The following SENP7 variants were observed in gnomAD, a reference collection of about 807,000 sequenced individuals.
SENP7 encodes sentrin-specific protease 7.
SENP7 carries 64 observed loss-of-function variants against 141.2 expected under a neutral mutation model. That is an observed-to-expected ratio of 0.45 (90% CI 0.37 to 0.56). The LOEUF (loss-of-function observed/expected upper bound fraction) is 0.56. Among genes scored for constraint, SENP7 ranks in the 20% least tolerant of loss-of-function variants. The probability of loss-of-function intolerance (pLI) is 0.00; values close to 1 mark genes in which losing one functional copy is unlikely to be tolerated. For synonymous variants in SENP7, 382 were observed against 426.4 expected (o/e 0.90, Z 1.28); for missense variants, 1,025 against 1,212.2 (o/e 0.85, Z 2.29).
intron 3 of SENP7, among the ~76,000 whole-genome samples, chr3:101,491,525 TAGGATAACAGGTGTG>T (rs1051519132): frequency 2.0e-5 from 3 of 152,212 alleles, no homozygotes; most frequent in African/African-American, 7.2e-5. Context: ...CTCAAAGTGC[TAGGATAACAGGTGTG>T]AGCCACCACA....
chr3:101,374,175 G>C (rs1424605925), intron 6 of SENP7, among the ~76,000 whole-genome samples: 1 of 152,122 alleles, frequency 6.6e-6, no homozygotes, highest in Non-Finnish European at 1.5e-5. Context: ...AAAGATTTTT[G>C]ACAAGGATGC....
chr3:101,438,986 G>A lies in SENP7; in HGVS notation c.284+19969C>T, dbSNP rs530606993. Among the ~76,000 whole-genome samples, 930 of 138,588 alleles carry A rather than the reference G, an allele frequency of 6.7e-3. 33 individuals are homozygous for A. Among genetic ancestry groups the A allele is most frequent in the African/African-American group, 0.023 (892 of 38,712 alleles). The allele number at this position is 138,588 out of a possible 152,430, so 90.9% of individuals were successfully genotyped here. ...GGGAAGTGAGGAGTGTCTCTGCCTGGCTGCCCATCGTCTGGGATGTGAGGA... is the reference window on the plus strand; with the variant it reads ...GGGAAGTGAGGAGTGTCTCTGCCTGACTGCCCATCGTCTGGGATGTGAGGA... On this transcript the variant is annotated intron_variant, in intron 4 of 23. Coordinates refer to ENST00000394095, the MANE Select transcript of SENP7 (RefSeq NM_020654.5).
chr3:101,474,278 G>A (rs767026970), intron 3 of SENP7, among the ~76,000 whole-genome samples: 3 of 152,056 alleles, frequency 2.0e-5, no homozygotes, highest in Non-Finnish European at 2.9e-5. Context: ...AAATTGCTTT[G>A]GGCAGTATGG....
intron 6 of SENP7, among the ~76,000 whole-genome samples, chr3:101,384,211 C>G (rs189289434): frequency 7.0e-4 from 106 of 152,378 alleles, no homozygotes; most frequent in Non-Finnish European, 1.4e-3. Flanking sequence ...TTACCTTACT[C>G]ACCCTCCAGT....
intron 6 of SENP7, among the ~76,000 whole-genome samples, chr3:101,376,238 T>C (rs2060325602): frequency 6.6e-6 from 1 of 152,128 alleles, no homozygotes; most frequent in Non-Finnish European, 1.5e-5. Flanking sequence ...ATACAGAGTT[T>C]CAGTTTGGGA....
intron 6 of SENP7, among the ~76,000 whole-genome samples, chr3:101,372,650 A>G (rs1307201969): frequency 6.6e-6 from 1 of 152,094 alleles, no homozygotes. Flanking sequence ...GATAGTCACA[A>G]TGTTACTACT....
intron 3 of SENP7, 96 bp downstream of exon 3, chr3:101,493,777 G>C (rs919848540): frequency 4.3e-6 from 3 of 691,482 alleles, no homozygotes; most frequent in Non-Finnish European, 6.9e-6. Context: ...AACCAAAAAA[G>C]GGACATATCA....
intron 11 of SENP7, chr3:101,358,231 G>C: frequency 9.1e-6 from 8 of 883,140 alleles, no homozygotes; most frequent in Non-Finnish European, 1.4e-5. Context: ...CTAAACATAA[G>C]AGAACTCATA....
chr3:101,432,932 G>T (rs1380130968), intron 4 of SENP7, among the ~76,000 whole-genome samples: 1 of 152,078 alleles, frequency 6.6e-6, no homozygotes, highest in Non-Finnish European at 1.5e-5. Context: ...AAAACTCACT[G>T]GTAATAAGTA....
At chr3:101,354,866 T>C (rs949708119) in intron 11 of SENP7, among the ~76,000 whole-genome samples, 4 of 151,976 alleles carry the variant, frequency 2.6e-5, no homozygotes, top group Non-Finnish European at 4.4e-5. Flanking sequence ...AGTGTGTCCC[T>C]TTTTTCTGCA....
intron 5 of SENP7, among the ~76,000 whole-genome samples, chr3:101,400,101 T>C (rs1285747240): frequency 6.6e-6 from 1 of 152,240 alleles, no homozygotes; most frequent in Non-Finnish European, 1.5e-5. Context: ...TGAACATTAC[T>C]TTGCCACACT....
chr3:101,426,467 G>A (rs1238223089), intron 4 of SENP7, among the ~76,000 whole-genome samples: 1 of 146,096 alleles, frequency 6.8e-6, no homozygotes, highest in African/African-American at 2.5e-5. Context: ...AGCTTCATAA[G>A]TGAAGGAGAA....
chr3:101,452,964 C>T (rs1559850046), intron 4 of SENP7, among the ~76,000 whole-genome samples: 1 of 152,168 alleles, frequency 6.6e-6, no homozygotes, highest in African/African-American at 2.4e-5. Flanking sequence ...GCAACCTACT[C>T]ATCTGACAGA....
intron 6 of SENP7, among the ~76,000 whole-genome samples, chr3:101,384,201 T>G (rs2060588611): frequency 6.6e-6 from 1 of 152,218 alleles, no homozygotes; most frequent in Admixed American, 6.5e-5. Flanking sequence ...AAACACCACT[T>G]TACCTTACTC....
chr3:101,332,814 T>C lies in SENP7; in HGVS notation c.2529A>G (p.Ile843Met), dbSNP rs779122610. The change falls in exon 18 of 24, where the codon ATA (isoleucine) becomes ATG (methionine). Residue 843 changes from isoleucine (I) to methionine (M), a missense_variant. Ile to Met is a conservative substitution (Grantham distance 10, BLOSUM62 1). Transcript: ENST00000394095. ...HKRVRTWTRH[I>M]NIFNKDYIFV... ...AGATGTAATCTTTATTAAAAATGTT[T>C]ATGTGACGAGTCCATGTTCTTACTC... 4 of 1,568,560 alleles carry C rather than the reference T, an allele frequency of 2.6e-6. No individual in the cohort carries two copies. In the South Asian group the frequency reaches 5.0e-5, roughly 20 times the overall value.
intron 7 of SENP7, among the ~76,000 whole-genome samples, chr3:101,370,923 A>G (rs1024092101): frequency 6.6e-6 from 1 of 152,192 alleles, no homozygotes; most frequent in African/African-American, 2.4e-5. Context: ...GCTCCAAATG[A>G]AGTGTAATGA....
At chr3:101,446,752 T>C (rs774285080) in intron 4 of SENP7, among the ~76,000 whole-genome samples, 24 of 152,110 alleles carry the variant, frequency 1.6e-4, no homozygotes, top group Admixed American at 6.5e-4. Context: ...ACCAAAACTA[T>C]GGACAATCAA....
chr3:101,408,906 A>G (rs1318056967), intron 5 of SENP7, among the ~76,000 whole-genome samples: 1 of 152,204 alleles, frequency 6.6e-6, no homozygotes, highest in African/African-American at 2.4e-5. Context: ...ACTCCTCTTC[A>G]ACATAGTACT....
At chr3:101,450,241 A>C (rs1196096829) in intron 4 of SENP7, among the ~76,000 whole-genome samples, 1 of 152,078 alleles carries the variant, frequency 6.6e-6, no homozygotes, top group East Asian at 1.9e-4. Flanking sequence ...AAAGAGAGTT[A>C]AGACTCCCAC....
Sources: gnomAD v4.1 joint callset for allele counts (sites outside exome capture counted in the v4.1 genomes callset) on GRCh38, gnomAD v4.1.1 for gene constraint, MANE v1.5 for transcripts, NCBI Gene and HGNC (gene_info 2026-07-23, HGNC 2026-07-21) for gene names.